Variants in SUPV3L1 observed in about 807,000 individuals in gnomAD.
SUPV3L1 encodes the protein ATP-dependent RNA helicase SUPV3L1, mitochondrial.
In SUPV3L1, 35 loss-of-function variants were observed where a neutral mutation model predicts 70.0. That is an observed-to-expected ratio of 0.50 (90% CI 0.38 to 0.66). The LOEUF (loss-of-function observed/expected upper bound fraction) is 0.66, where lower values mean the gene tolerates loss of function less well. Among genes scored for constraint, SUPV3L1 ranks in the 30% least tolerant of loss-of-function variants. The probability of loss-of-function intolerance (pLI) is 0.00; values close to 1 mark genes in which losing one functional copy is unlikely to be tolerated. For missense variants in SUPV3L1, 777 were observed against 961.5 expected (o/e 0.81, Z 2.54); for synonymous variants, 364 against 341.9 (o/e 1.06, Z -0.71).
intron 5 of SUPV3L1, 104 bp downstream of exon 5, chr10:69,189,539 A>G (rs1842331992): frequency 2.5e-6 from 3 of 1,214,038 alleles, no homozygotes; most frequent in Non-Finnish European, 3.3e-6. Flanking sequence ...AGAAATTACC[A>G]TATTTCATTG....
chr10:69,185,862 A>G (rs1842211158), intron 1 of SUPV3L1, 125 bp from the exon 2 acceptor site: 1 of 759,962 alleles, frequency 1.3e-6, no homozygotes, highest in Non-Finnish European at 2.3e-6. Flanking sequence ...ATCGACTAAA[A>G]CCTTCTAGTT....
chr10:69,182,876 T>TAA (rs554587492), intron 1 of SUPV3L1, among the ~76,000 whole-genome samples: 90 of 152,294 alleles, frequency 5.9e-4, no homozygotes, highest in Admixed American at 1.1e-3. Context: ...TTGAGGTACT[T>TAA]AAAGGCTTTG....
In SUPV3L1 at chr10:69,199,165, T is replaced by A; in HGVS notation, c.1266T>A (p.Val422=). The A allele has an allele frequency of 3.1e-6, 5 of 1,612,274 alleles. No individual in the cohort carries two copies. Among genetic ancestry groups the A allele is most frequent in the Non-Finnish European group, 4.2e-6 (5 of 1,179,516 alleles). ...NDPNDPCKIL[V]ATDAIGMGLN... ...CCAATGACCCATGCAAAATCTTGGT[T>A]GCTACAGATGCAATTGGCATGGGAC... is the stretch of plus-strand genomic sequence containing the variant. Residue 422 remains valine, a synonymous_variant, in exon 10 of 15, where the codon GTT becomes GTA. Transcript: ENST00000359655.
intron 1 of SUPV3L1, among the ~76,000 whole-genome samples, chr10:69,182,287 A>T (rs935249948): frequency 2.0e-5 from 3 of 151,344 alleles, no homozygotes; most frequent in Non-Finnish European, 4.4e-5. Context: ...GAGCCACTGC[A>T]CCCAGCCAGT....
chr10:69,205,200 A>T (rs1183932758), intron 13 of SUPV3L1, among the ~76,000 whole-genome samples: 1 of 152,210 alleles, frequency 6.6e-6, no homozygotes, highest in Non-Finnish European at 1.5e-5. Context: ...CATTTGTGAA[A>T]AACTTAGCTA....
At chr10:69,192,527 A>C (rs576603745) in intron 6 of SUPV3L1, 1 of 152,330 alleles carries the variant, frequency 6.6e-6, no homozygotes, top group African/African-American at 2.4e-5. Context: ...ATGTGTTTAG[A>C]TCTATCTAGT....
intron 5 of SUPV3L1, among the ~76,000 whole-genome samples, chr10:69,190,542 G>T (rs1842365370): frequency 6.6e-6 from 1 of 151,728 alleles, no homozygotes. Context: ...CAGGATATTT[G>T]TCTGAAGCAG....
At chr10:69,190,463 A>C (rs1347467294) in intron 5 of SUPV3L1, among the ~76,000 whole-genome samples, 1 of 151,756 alleles carries the variant, frequency 6.6e-6, no homozygotes, top group Admixed American at 6.6e-5. Context: ...AGCAATTTAC[A>C]TACATAATAC....
rs761161979 is a variant in SUPV3L1 at position 69,189,273 on chromosome 10, A to G, written c.579A>G (p.Pro193=). Residue 193 remains proline, a synonymous_variant, in exon 5 of 15, where the codon CCA becomes CCG. Coordinates refer to ENST00000359655, the MANE Select transcript of SUPV3L1 (RefSeq NM_003171.5). The part of the protein sequence containing the change: ...SDLRIPPNWY[P]DARAMQRKII... ...TTACCTACTCATGTTTTAGGTACCC[A>G]GATGCTAGAGCCATGCAGCGGAAGA... 28 of 1,612,302 alleles carry G rather than the reference A, an allele frequency of 1.7e-5. No homozygotes were observed. Among genetic ancestry groups the G allele is most frequent in the Non-Finnish European group, 2.4e-5 (28 of 1,179,108 alleles).
chr10:69,204,698 T>G (rs1433984567), intron 13 of SUPV3L1, among the ~76,000 whole-genome samples: 1 of 152,250 alleles, frequency 6.6e-6, no homozygotes, highest in Non-Finnish European at 1.5e-5. Flanking sequence ...AGACTGTTTT[T>G]CATTGCGTTT....
rs35757450 is a variant in SUPV3L1 at position 69,209,048 on chromosome 10, G to GTT, written c.*25_*26dup. On this transcript the variant is annotated 3_prime_UTR_variant, in exon 15 of 15. Coordinates refer to ENST00000359655, the MANE Select transcript of SUPV3L1 (RefSeq NM_003171.5). ...TGATTCGGACTAGTTTTCTGTTCCT[G>GTT]TTTTTTTTTTTTTATTTAATTTTGC... 15,136 of 1,343,906 alleles carry GTT rather than the reference G, an allele frequency of 0.011. No individual in the cohort carries two copies. Among genetic ancestry groups the GTT allele is most frequent in the Non-Finnish European group, 0.013 (12,975 of 1,018,170 alleles). The allele number at this position is 1,343,906 out of a possible 1,614,324, so 83.2% of individuals were successfully genotyped here.
chr10:69,208,046 GC>G, intron 14 of SUPV3L1, 105 bp downstream of exon 14: 1 of 1,372,794 alleles, frequency 7.3e-7, no homozygotes, highest in Non-Finnish European at 1.0e-6. Flanking sequence ...TTTGCAAGAT[GC>G]TCTATATTAT....
intron 6 of SUPV3L1, among the ~76,000 whole-genome samples, chr10:69,193,629 C>G (rs181196989): frequency 2.7e-4 from 41 of 152,068 alleles, no homozygotes; most frequent in Non-Finnish European, 5.1e-4. Context: ...AGGCTGGCCT[C>G]GAACTCCCGG....
chr10:69,180,858 G>A (rs891045407), intron 1 of SUPV3L1, among the ~76,000 whole-genome samples: 1 of 152,164 alleles, frequency 6.6e-6, no homozygotes, highest in African/African-American at 2.4e-5. Context: ...GAGTTGTTAG[G>A]TGGACGCCCG....
chr10:69,190,454 G>A (rs954998112), intron 5 of SUPV3L1, among the ~76,000 whole-genome samples: 3 of 151,330 alleles, frequency 2.0e-5, no homozygotes, highest in East Asian at 1.9e-4. Flanking sequence ...AACAGTTTGA[G>A]CAATTTACAT....
At chr10:69,207,737 T>C (rs925304722) in intron 13 of SUPV3L1, 56 bp from the exon 14 acceptor site, 5 of 1,546,104 alleles carry the variant, frequency 3.2e-6, no homozygotes, top group South Asian at 1.2e-5. Context: ...TTTCTAATTA[T>C]AGACTTAAGG....
In SUPV3L1 at chr10:69,189,407, A is replaced by G. The variant is rs956614180; in HGVS notation, c.713A>G (p.His238Arg). 64 of 1,611,892 alleles carry G rather than the reference A, an allele frequency of 4.0e-5. No individual in the cohort carries two copies. The highest frequency in any genetic ancestry group is 8.0e-5 in the African/African-American group (6 of 74,892). Reference sequence around the variant, plus strand: ...TGTGGCCCTCTAAAATTACTGGCACATGAGATCTTCGAAAAGAGTAATGCT... The same window carrying G: ...TGTGGCCCTCTAAAATTACTGGCACGTGAGATCTTCGAAAAGAGTAATGCT... ...VYCGPLKLLA[H>R]EIFEKSNAAG... The change falls in exon 5 of 15, where the codon CAT becomes CGT. Residue 238 changes from histidine to arginine, a missense_variant. This residue lies in a region of SUPV3L1 where 619 missense variants were observed against 823.3 expected (regional missense o/e 0.75). Transcript: ENST00000359655.
intron 8 of SUPV3L1, 119 bp downstream of exon 8, chr10:69,197,202 C>T (rs879915354): frequency 5.1e-6 from 4 of 781,850 alleles, no homozygotes; most frequent in Admixed American, 4.7e-5. Flanking sequence ...AAGAAAGCTT[C>T]ATTTTCTTGT....
In SUPV3L1 at chr10:69,207,784, C is replaced by G. The variant is rs1842869977; in HGVS notation, c.1777-9C>G. 2 of 1,608,104 alleles carry G rather than the reference C, an allele frequency of 1.2e-6. No homozygotes were observed. The highest frequency in any genetic ancestry group is 2.7e-5 in the African/African-American group (2 of 74,584). ...CTTCTCTGAAACCCTTTTCCTCTTT[C>G]TCTCTCAGTTTGCCAGGCAGTATAG... On this transcript the variant is annotated splice_polypyrimidine_tract_variant and intron_variant, in intron 13 of 14. Transcript: ENST00000359655.
Sources: gnomAD v4.1 joint callset for allele counts (sites outside exome capture counted in the v4.1 genomes callset) on GRCh38, gnomAD v4.1.1 for gene constraint, gnomAD v4.1.1 regional missense constraint, MANE v1.5 for transcripts, NCBI Gene and HGNC (gene_info 2026-07-23, HGNC 2026-07-21) for gene names.